Variants in CLK3 observed in about 807,000 individuals in gnomAD.
CLK3 encodes the protein CDC like kinase 3, also known as dual specificity protein kinase CLK3.
In CLK3, 24 loss-of-function variants were observed where a neutral mutation model predicts 65.2. The observed-to-expected ratio is 0.37, with a 90% CI of 0.27 to 0.52. The LOEUF is 0.52. Ranked by LOEUF, CLK3 falls within the 20% of genes least tolerant of loss-of-function variation. CLK3 has a pLI of 0.92. For missense variants in CLK3, 506 were observed against 660.0 expected (o/e 0.77, Z 2.56); for synonymous variants, 252 against 240.8 (o/e 1.05, Z -0.43).
upstream of CLK3, chr15:74,615,513 G>T: frequency 7.7e-7 from 1 of 1,305,564 alleles, no homozygotes; most frequent in South Asian, 2.2e-5. Context: ...TCGGGGCGAC[G>T]GAGCGGGCCC....
rs145279134 is a variant in CLK3 at position 74,622,843 on chromosome 15, A to G, written c.533+283A>G. 3.3e-3 allele frequency among the ~76,000 whole-genome samples: 495 copies of G among 152,222 alleles called. 6 individuals carry two copies. Among genetic ancestry groups the G allele is most frequent in the African/African-American group, 0.011 (474 of 41,518 alleles). On this transcript the variant is annotated intron_variant, in intron 5 of 12. Coordinates refer to ENST00000395066, the MANE Select transcript of CLK3 (RefSeq NM_001130028.2). This position sits in a 1 kb window ranked among gnomAD's most constrained non-coding sequence, Gnocchi z 4.6. The stretch of plus-strand genomic sequence containing the variant: ...CACTTCTCCAGGGCTGTGGTGGTGG[A>G]TATCAGAACAGGGCCAAGGCCCCGG...
In CLK3 at chr15:74,621,134, TTTCTGTGAC is replaced by T. The variant is rs1324961760; in HGVS notation, c.369+914_369+922del. ...GCCAGGTGTCTTCTCTGCCCAGCGC[TTTCTGTGAC>T]TTCTTTGAGTGGCTACAGGTTGAGG... On this transcript the variant is annotated intron_variant, in intron 3 of 12. Coordinates refer to ENST00000395066, the MANE Select transcript of CLK3 (RefSeq NM_001130028.2). This position sits in a 1 kb window ranked among gnomAD's most constrained non-coding sequence, Gnocchi z 4.8. 6.6e-6 allele frequency: 1 copy of T among 152,548 alleles called. No homozygotes were observed. Among genetic ancestry groups the T allele is most frequent in the East Asian group, 1.9e-4 (1 of 5,210 alleles). 9.4% of individuals were successfully genotyped at this position (152,548 alleles called of 1,614,324 possible).
chr15:74,627,238 T>TG lies in CLK3; in HGVS notation c.818-109dup, dbSNP rs2062150604. 8.6e-6 allele frequency: 7 copies of TG among 812,978 alleles called. No homozygotes were observed. The highest frequency in any genetic ancestry group is 1.5e-5 in the Non-Finnish European group (7 of 462,418). 50.4% of individuals were successfully genotyped at this position (812,978 alleles called of 1,614,324 possible). On this transcript the variant is annotated intron_variant, in intron 7 of 12. Coordinates refer to ENST00000395066, the MANE Select transcript of CLK3 (RefSeq NM_001130028.2). This position sits in a 1 kb window ranked among gnomAD's most constrained non-coding sequence, Gnocchi z 4.3. ...GCTGTAGTCCAGCTCCCTGCTGAGGTGGGGGTGTGAGGACCTCTGGCAGTT... is the reference window on the plus strand; with the variant it reads ...GCTGTAGTCCAGCTCCCTGCTGAGGTGGGGGGTGTGAGGACCTCTGGCAGTT...
In CLK3 at chr15:74,627,317, A is replaced by G; in HGVS notation, c.818-35A>G. 1 of 1,554,764 alleles carries G rather than the reference A, an allele frequency of 6.4e-7. No individual in the cohort carries two copies. The highest frequency in any genetic ancestry group is 1.1e-5 in the South Asian group (1 of 89,798). ...GAGCTGGCAGGAGAGCCAGCTTCTCAGTGCCTACTTCCCCTTCTTTCCCTG... is the reference window on the plus strand; with the variant it reads ...GAGCTGGCAGGAGAGCCAGCTTCTCGGTGCCTACTTCCCCTTCTTTCCCTG... On this transcript the variant is annotated intron_variant, in intron 7 of 12. Coordinates refer to ENST00000395066, the MANE Select transcript of CLK3 (RefSeq NM_001130028.2). This position sits in a 1 kb window ranked among gnomAD's most constrained non-coding sequence, Gnocchi z 4.3.
In CLK3 at chr15:74,619,343, C is replaced by G; in HGVS notation, c.147C>G (p.Ser49=). Residue 49 remains serine (S), a synonymous_variant, in exon 2 of 13, where the codon TCC becomes TCG. Coordinates refer to ENST00000395066, the MANE Select transcript of CLK3 (RefSeq NM_001130028.2). ...AGCCTCCCCCACGAAGATCTCGGTC[C>G]AGAAGGTGAGAGGGAACTAGATAGG... ...RREPPPRRSR[S]RSHDRLPYQR... is the part of the protein sequence containing the mutation. 6.2e-7 allele frequency: 1 copy of G among 1,614,070 alleles called. No homozygotes were observed. The highest frequency in any genetic ancestry group is 8.5e-7 in the Non-Finnish European group (1 of 1,179,972).
In CLK3 at chr15:74,624,535, C is replaced by A; in HGVS notation, c.534-367C>A. ...GCAGGAGGGTTCTCGGTGGGACAGC[C>A]TGGCCAGGGTTGGGGCTGCCTGGCC... On this transcript the variant is annotated intron_variant, in intron 5 of 12. Coordinates refer to ENST00000395066, the MANE Select transcript of CLK3 (RefSeq NM_001130028.2). This position sits in a 1 kb window ranked among gnomAD's most constrained non-coding sequence, Gnocchi z 4.2. 5.0e-6 allele frequency: 1 copy of A among 198,434 alleles called. No individual in the cohort carries two copies. The allele number at this position is 198,434 out of a possible 1,614,324, so 12.3% of individuals were successfully genotyped here. A position where few individuals can be genotyped will look rare whatever the true frequency, so the allele number is the denominator to read the frequency against.
intron 12 of CLK3, chr15:74,629,388 C>G: frequency 1.9e-6 from 1 of 530,756 alleles, no homozygotes; most frequent in Non-Finnish European, 3.4e-6. Flanking sequence ...GGCCAGGAAG[C>G]CTCTGTCAAC....
At chr15:74,616,224 C>T (rs2062058698) in intron 1 of CLK3, among the ~76,000 whole-genome samples, 1 of 152,242 alleles carries the variant, frequency 6.6e-6, no homozygotes, top group Non-Finnish European at 1.5e-5. Context: ...GCCCTTCAGA[C>T]CCCTCCCCTA....
In CLK3 at chr15:74,629,766, G is replaced by A. The variant is rs1567146431; in HGVS notation, c.1356G>A (p.Met452Ile). 6.2e-7 allele frequency: 1 copy of A among 1,613,692 alleles called. No individual in the cohort carries two copies. Residue 452 changes from methionine to isoleucine, a missense_variant, in exon 13 of 13, where the codon ATG becomes ATA. By Grantham distance (10) the Met-to-Ile change is conservative. Transcript: ENST00000395066. ...HVQLFDLMRR[M>I]LEFDPAQRIT... ...AGCTGTTTGACCTGATGAGGAGGATGTTAGAATTTGACCCTGCCCAGCGCA... is the reference window on the plus strand; with the variant it reads ...AGCTGTTTGACCTGATGAGGAGGATATTAGAATTTGACCCTGCCCAGCGCA...
Position 74,622,045 on chromosome 15 carries a change from G to GT in CLK3, c.370-75_370-74insT. ...ACCGTCTCCACCTCTGCCTTTGACT[G>GT]ACACCTCAATCTGTCAATCGGAACC... On this transcript the variant is annotated intron_variant, in intron 3 of 12. Transcript: ENST00000395066. This position sits in a 1 kb window ranked among gnomAD's most constrained non-coding sequence, Gnocchi z 4.6. 7.1e-7 allele frequency: 1 copy of GT among 1,413,196 alleles called. No homozygotes were observed. Among genetic ancestry groups the GT allele is most frequent in the Non-Finnish European group, 1.0e-6 (1 of 1,000,116 alleles). 87.5% of individuals were successfully genotyped at this position (1,413,196 alleles called of 1,614,324 possible). A position where few individuals can be genotyped will look rare whatever the true frequency, so the allele number is the denominator to read the frequency against.
intron 1 of CLK3, chr15:74,608,720 T>C (rs925671131): frequency 6.6e-6 from 1 of 152,244 alleles, no homozygotes; most frequent in African/African-American, 2.4e-5. Context: ...AGAGCCAGAA[T>C]GTGACAACCA....
Position 74,625,920 on chromosome 15 carries a change from CT to C in CLK3, c.770del (p.Leu257HisfsTer23). 6.2e-7 allele frequency: 1 copy of C among 1,614,160 alleles called. No homozygotes were observed. On this transcript the variant is annotated frameshift_variant, in exon 7 of 13. Coordinates refer to ENST00000395066, the MANE Select transcript of CLK3 (RefSeq NM_001130028.2). LOFTEE classifies it high-confidence loss of function. ...LKENNFQPYP[L>X]PHVRHMAYQL... ...GGAGAATAACTTCCAGCCTTACCCC[CT>C]ACCACATGTCCGGCACATGGCCTAC...
At chr15:74,611,587 C>T (rs1011266240), upstream of CLK3, among the ~76,000 whole-genome samples, 14 of 152,238 alleles carry the variant, frequency 9.2e-5, no homozygotes, top group Non-Finnish European at 8.8e-5. Context: ...CAGTCCCGCT[C>T]GGGGGCCCTG....
At chr15:74,611,694 G>A (rs2061992345), upstream of CLK3, among the ~76,000 whole-genome samples, 1 of 152,248 alleles carries the variant, frequency 6.6e-6, no homozygotes, top group Admixed American at 6.5e-5. Flanking sequence ...ACCCTTCAGT[G>A]GGGCTTGGTG....
At chr15:74,625,224 G>A (rs930727359) in intron 6 of CLK3, among the ~76,000 whole-genome samples, 4 of 152,198 alleles carry the variant, frequency 2.6e-5, no homozygotes, top group Non-Finnish European at 4.4e-5. Flanking sequence ...AGGCCTCCCA[G>A]CCCTGCGTTT....
chr15:74,629,357 G>T (rs1019672400), intron 12 of CLK3: 2 of 529,154 alleles, frequency 3.8e-6, no homozygotes, highest in Non-Finnish European at 6.9e-6. Context: ...CTGAGGTGAG[G>T]GGGAGGGAAG....
intron 12 of CLK3, 119 bp from the exon 13 acceptor site, chr15:74,629,588 C>A: frequency 1.4e-6 from 1 of 714,704 alleles, no homozygotes; most frequent in Non-Finnish European, 2.4e-6. Context: ...GTAGAGTCCT[C>A]CAAGGAGGCA....
chr15:74,614,958 C>T (rs976497780), upstream of CLK3: 1 of 154,686 alleles, frequency 6.5e-6, no homozygotes, highest in African/African-American at 2.4e-5. Flanking sequence ...GCGGGACGCG[C>T]ACGCTCACAG....
chr15:74,623,031 T>A (rs1004753856), intron 5 of CLK3, among the ~76,000 whole-genome samples: 8 of 152,326 alleles, frequency 5.3e-5, no homozygotes, highest in African/African-American at 1.9e-4. Flanking sequence ...GACCCTGGGC[T>A]TTCTCACCAA....
Sources: allele counts gnomAD v4.1 joint callset (sites outside exome capture counted in the v4.1 genomes callset), GRCh38; gene constraint gnomAD v4.1.1; non-coding constraint Gnocchi (gnomAD v3.1); transcripts MANE v1.5; gene names NCBI Gene and HGNC (gene_info 2026-07-23, HGNC 2026-07-21).